The following NCBP3 variants were observed in gnomAD, a reference collection of about 807,000 sequenced individuals.
The protein encoded by NCBP3 is nuclear cap-binding protein subunit 3.
A neutral mutation model predicts 75.7 loss-of-function variants in NCBP3; 20 were observed. The ratio of observed to expected loss-of-function variants is 0.26; its 90% CI spans 0.19 to 0.38. NCBP3 has a LOEUF of 0.38. Ranked by LOEUF, NCBP3 falls within the 10% of genes least tolerant of loss-of-function variation. The probability of loss-of-function intolerance (pLI) is 1.00; values close to 1 mark genes in which losing one functional copy is unlikely to be tolerated. For synonymous variants in NCBP3, 293 were observed against 290.5 expected, an observed-to-expected ratio of 1.01 and a Z score of -0.09; for missense variants, 678 against 796.9, an observed-to-expected ratio of 0.85 and a Z score of 1.80.
intron 10 of NCBP3, 56 bp from the exon 11 acceptor site, chr17:3,816,326 A>G (rs16953498): frequency 0.045 from 67,212 of 1,484,420 alleles, 3,236 homozygotes; most frequent in African/African-American, 0.22. Flanking sequence ...GTGAGACAAG[A>G]CCCAAACAAC....
At chr17:3,826,317 C>G (rs1597403073) in intron 4 of NCBP3, 102 bp from the exon 5 acceptor site, 29 of 1,117,860 alleles carry the variant, frequency 2.6e-5, no homozygotes, top group East Asian at 2.1e-4. Context: ...CATCTAGCAA[C>G]AGATTATCAT....
At chr17:3,827,770 G>C (rs2053813756) in intron 4 of NCBP3, among the ~76,000 whole-genome samples, 1 of 152,174 alleles carries the variant, frequency 6.6e-6, no homozygotes. Flanking sequence ...CTTAGTCACA[G>C]TTTTAATGAC....
rs180867904 is a variant in NCBP3 at position 3,828,166 on chromosome 17, G to A, written c.481+1077C>T. ...ACTCCTGATCTCAAGTGATCCTCCC[G>A]CCCTGGCCTCCCAAAGTGCTGGGAT... On this transcript the variant is annotated intron_variant, in intron 4 of 12. Coordinates refer to ENST00000389005, the MANE Select transcript of NCBP3 (RefSeq NM_001114118.3). Among the ~76,000 whole-genome samples, 570 of 152,258 alleles carry A rather than the reference G, an allele frequency of 3.7e-3. 3 individuals are homozygous for A. The highest frequency in any genetic ancestry group is 5.9e-3 in the Non-Finnish European group (398 of 68,034).
At chr17:3,821,764 AC>A (rs1294810913) in intron 8 of NCBP3, among the ~76,000 whole-genome samples, 188 bp downstream of exon 8, 2 of 152,226 alleles carry the variant, frequency 1.3e-5, no homozygotes, top group Non-Finnish European at 2.9e-5. Flanking sequence ...AATGTTAGGT[AC>A]TAACACAGAT....
chr17:3,842,098 T>C (rs2054074751), intron 2 of NCBP3, among the ~76,000 whole-genome samples: 1 of 152,000 alleles, frequency 6.6e-6, no homozygotes, highest in Non-Finnish European at 1.5e-5. Flanking sequence ...AATCTGGTAA[T>C]AGCAATCATC....
chr17:3,816,024 C>T, intron 11 of NCBP3, 92 bp downstream of exon 11: 3 of 1,263,576 alleles, frequency 2.4e-6, no homozygotes, highest in Non-Finnish European at 3.3e-6. Flanking sequence ...AATCAGTTCA[C>T]ACATCGCATG....
At chr17:3,816,499 T>C (rs556901988) in intron 10 of NCBP3, among the ~76,000 whole-genome samples, 1 of 152,256 alleles carries the variant, frequency 6.6e-6, no homozygotes, top group Non-Finnish European at 1.5e-5. Context: ...GGTTTCCACA[T>C]GTGTATGTGC....
At chr17:3,842,521 A>T (rs1332903706) in intron 2 of NCBP3, among the ~76,000 whole-genome samples, 1 of 152,214 alleles carries the variant, frequency 6.6e-6, no homozygotes, top group Non-Finnish European at 1.5e-5. Flanking sequence ...CATACCATTT[A>T]AAAAAGCATC....
rs896959100 is a variant in NCBP3, at chr17:3,804,151, G to A, written c.*8893C>T. The A allele has an allele frequency of 2.0e-5, 3 of 152,178 alleles. No homozygotes were observed. Among genetic ancestry groups the A allele is most frequent in the African/African-American group, 7.2e-5 (3 of 41,420 alleles). The allele number at this position is 152,178 out of a possible 1,614,324, so 9.4% of individuals were successfully genotyped here. Reference sequence around the variant, plus strand: ...GCTACTTGGGAAAGCTTGAGCCCAGGAGTTTGAGTCCAATCTAGACAACAT... The same window carrying A: ...GCTACTTGGGAAAGCTTGAGCCCAGAAGTTTGAGTCCAATCTAGACAACAT... On this transcript the variant is annotated 3_prime_UTR_variant, in exon 13 of 13. Transcript: ENST00000389005.
chr17:3,825,768 T>A lies in NCBP3; in HGVS notation c.686A>T (p.Glu229Val). The A allele has an allele frequency of 1.3e-6, 2 of 1,547,204 alleles. No individual in the cohort carries two copies. Among genetic ancestry groups the A allele is most frequent in the Non-Finnish European group, 1.7e-6 (2 of 1,143,300 alleles). The part of the protein sequence containing the change: ...EVEDENSSDV[E>V]LDTLSQVEEE... ...ATCTATCTTTCCCCTATTACTAACCTCTACATCACTTGAGTTCTCATCTTC... is the reference window on the plus strand; with the variant it reads ...ATCTATCTTTCCCCTATTACTAACCACTACATCACTTGAGTTCTCATCTTC... Residue 229 changes from glutamate to valine, a missense_variant and splice_region_variant, in exon 6 of 13, where the codon GAG (glutamate) becomes GTG (valine). Glu to Val is a moderately radical substitution (Grantham distance 121). Transcript: ENST00000389005.
chr17:3,830,429 T>C (rs1023668915), intron 3 of NCBP3, among the ~76,000 whole-genome samples: 53 of 152,152 alleles, frequency 3.5e-4, no homozygotes, highest in African/African-American at 1.3e-3. Flanking sequence ...TGCAAGGTGA[T>C]GACATTAAAC....
chr17:3,834,160 G>A (rs2053935302), intron 3 of NCBP3, among the ~76,000 whole-genome samples: 1 of 152,188 alleles, frequency 6.6e-6, no homozygotes, highest in Non-Finnish European at 1.5e-5. Flanking sequence ...CACACATGTA[G>A]GAGAGAGACG....
Position 3,846,220 on chromosome 17 carries a change from C to A in NCBP3, c.4G>T (p.Ala2Ser). MAAVRGLRVSVK... is the reference protein window; with the variant it reads MSAVRGLRVSVK... ...GACACCCGCAGGCCCCGTACGGCCGCCATCGCTGCCTGCCGGCCGCACCAC... is the reference window on the plus strand; with the variant it reads ...GACACCCGCAGGCCCCGTACGGCCGACATCGCTGCCTGCCGGCCGCACCAC... The change falls in exon 1 of 13, where the codon GCG becomes TCG. Residue 2 changes from alanine to serine, a missense_variant. This residue lies in a region of NCBP3 where 76 missense variants were observed against 53.8 expected (regional missense o/e 1.41). Transcript: ENST00000389005. This position sits in a 1 kb window ranked among gnomAD's most constrained non-coding sequence, Gnocchi z 4.6. The A allele has an allele frequency of 7.0e-7, 1 of 1,432,022 alleles. No homozygotes were observed. The highest frequency in any genetic ancestry group is 1.5e-5 in the South Asian group (1 of 67,962). The allele number at this position is 1,432,022 out of a possible 1,614,324, so 88.7% of individuals were successfully genotyped here.
chr17:3,831,336 G>A (rs1222445735), intron 3 of NCBP3, among the ~76,000 whole-genome samples: 3 of 151,946 alleles, frequency 2.0e-5, no homozygotes, highest in African/African-American at 7.2e-5. Context: ...CACTTTGGGA[G>A]GCAGAGGCAG....
intron 4 of NCBP3, among the ~76,000 whole-genome samples, chr17:3,828,208 C>T (rs1451336603): frequency 6.6e-6 from 1 of 152,190 alleles, no homozygotes; most frequent in East Asian, 1.9e-4. Flanking sequence ...CCTGAGCCAC[C>T]GTGCCTGGCC....
At chr17:3,826,325 C>T in intron 4 of NCBP3, 110 bp from the exon 5 acceptor site, 1 of 1,076,122 alleles carries the variant, frequency 9.3e-7, no homozygotes, top group East Asian at 2.7e-5. Context: ...AACAGATTAT[C>T]ATCAGTAAAT....
intron 2 of NCBP3, 68 bp from the exon 3 acceptor site, chr17:3,840,273 T>G: frequency 1.6e-6 from 2 of 1,272,536 alleles, no homozygotes. Context: ...ACATGCATCA[T>G]GATGCATCAG....
chr17:3,803,418 T>A lies in NCBP3; in HGVS notation c.*9626A>T, dbSNP rs2053298009. The A allele has an allele frequency of 1.3e-5, 2 of 152,248 alleles. No homozygotes were observed. Among genetic ancestry groups the A allele is most frequent in the South Asian group, 4.1e-4 (2 of 4,834 alleles). The allele number at this position is 152,248 out of a possible 1,614,324, so 9.4% of individuals were successfully genotyped here. On this transcript the variant is annotated 3_prime_UTR_variant, in exon 13 of 13. Transcript: ENST00000389005. Reference sequence around the variant, plus strand: ...CAGTTGGCAAATTTGAAACAGGAACTACAAATTAGCAACTCCTGGGCTGAT... The same window carrying A: ...CAGTTGGCAAATTTGAAACAGGAACAACAAATTAGCAACTCCTGGGCTGAT...
At chr17:3,826,901 T>C (rs1166018242) in intron 4 of NCBP3, among the ~76,000 whole-genome samples, 1 of 151,556 alleles carries the variant, frequency 6.6e-6, no homozygotes, top group Non-Finnish European at 1.5e-5. Context: ...TGGTCCCAGC[T>C]ACTCGGGAGG....
Sources: gnomAD v4.1 joint callset for allele counts (sites outside exome capture counted in the v4.1 genomes callset) on GRCh38, gnomAD v4.1.1 for gene constraint, gnomAD v4.1.1 regional missense constraint, Gnocchi (gnomAD v3.1) non-coding constraint, MANE v1.5 for transcripts, NCBI Gene and HGNC (gene_info 2026-07-23, HGNC 2026-07-21) for gene names.